The following CASR variants were observed in gnomAD, a reference collection of about 807,000 sequenced individuals.
CASR encodes extracellular calcium-sensing receptor.
A neutral mutation model predicts 69.1 loss-of-function variants in CASR; 23 were observed. The ratio of observed to expected loss-of-function variants is 0.33; its 90% CI spans 0.24 to 0.47. The LOEUF (loss-of-function observed/expected upper bound fraction) is 0.47, where lower values mean the gene tolerates loss of function less well. CASR is among the 20% of genes least tolerant of loss of function. The pLI is 1.00. For missense variants in CASR, 924 were observed against 1,356.1 expected (o/e 0.68, Z 5.00); for synonymous variants, 541 against 544.7 (o/e 0.99, Z 0.10).
intron 1 of CASR, among the ~76,000 whole-genome samples, chr3:122,234,020 C>T (rs756419872): frequency 1.3e-5 from 2 of 152,210 alleles, no homozygotes; most frequent in Non-Finnish European, 2.9e-5. Flanking sequence ...CTAGAGGACC[C>T]TTACTCCTCT....
rs199729084 is a variant in CASR at position 122,261,881 on chromosome 3, G to A, written c.846G>A (p.Glu282=). 2 of 1,614,242 alleles carry A rather than the reference G, an allele frequency of 1.2e-6. No individual in the cohort carries two copies. The highest frequency in any genetic ancestry group is 1.7e-6 in the Non-Finnish European group (2 of 1,180,040). ...SGPDLEPLIK[E]IVRRNITGKI... ...CAGATCTTGAGCCCCTCATCAAGGA[G>A]ATTGTCCGGCGCAATATCACGGGCA... The change falls in exon 4 of 7, where the codon GAG becomes GAA. Residue 282 remains glutamate (E), a synonymous_variant. Transcript: ENST00000639785.
At chr3:122,196,531 G>C (rs1360126069) in intron 1 of CASR, among the ~76,000 whole-genome samples, 2 of 150,890 alleles carry the variant, frequency 1.3e-5, no homozygotes, top group Non-Finnish European at 3.0e-5. Flanking sequence ...TTGTTTGTTT[G>C]TTTGTTTTGT....
At chr3:122,206,415 G>T (rs566934211) in intron 1 of CASR, among the ~76,000 whole-genome samples, 3 of 151,982 alleles carry the variant, frequency 2.0e-5, no homozygotes, top group African/African-American at 7.2e-5. Flanking sequence ...TTGCATCCCT[G>T]GGATGAATCC....
intron 1 of CASR, among the ~76,000 whole-genome samples, chr3:122,240,970 A>C (rs2074373864): frequency 6.6e-6 from 1 of 152,148 alleles, no homozygotes; most frequent in Non-Finnish European, 1.5e-5. Flanking sequence ...AAATTTAAAA[A>C]TCTCTTGAAG....
intron 1 of CASR, among the ~76,000 whole-genome samples, chr3:122,231,768 A>G (rs1421775365): frequency 6.6e-6 from 1 of 152,206 alleles, no homozygotes; most frequent in African/African-American, 2.4e-5. Context: ...CAAAAAAAAA[A>G]AAAATCAAAG....
chr3:122,254,312 T>C lies in CASR; in HGVS notation c.123T>C (p.His41=), dbSNP rs1331565057. Residue 41 remains histidine, a synonymous_variant, in exon 2 of 7, where the codon CAT becomes CAC. Coordinates refer to ENST00000639785, the MANE Select transcript of CASR (RefSeq NM_000388.4). Reference sequence around the variant, plus strand: ...TCCTTGGGGGGCTCTTTCCTATTCATTTTGGAGTAGCAGCTAAAGATCAAG... The same window carrying C: ...TCCTTGGGGGGCTCTTTCCTATTCACTTTGGAGTAGCAGCTAAAGATCAAG... ...DIILGGLFPI[H]FGVAAKDQDL... 1 of 1,614,056 alleles carries C rather than the reference T, an allele frequency of 6.2e-7. No homozygotes were observed. Among genetic ancestry groups the C allele is most frequent in the African/African-American group, 1.3e-5 (1 of 74,896 alleles).
intron 3 of CASR, among the ~76,000 whole-genome samples, chr3:122,260,346 CT>C (rs1340698969): frequency 6.6e-6 from 1 of 152,242 alleles, no homozygotes; most frequent in Non-Finnish European, 1.5e-5. Flanking sequence ...AAGGGCAAGA[CT>C]TTCTTCCCTT....
At chr3:122,228,221 T>G (rs546104552) in intron 1 of CASR, among the ~76,000 whole-genome samples, 1 of 152,240 alleles carries the variant, frequency 6.6e-6, no homozygotes, top group Non-Finnish European at 1.5e-5. Context: ...TAATCTTTTC[T>G]TGGTCTAATA....
At position 122,190,213 on chromosome 3, in the gene CASR, C is replaced by T. The variant is rs576158794; in HGVS notation, c.-243+6401C>T. Among the ~76,000 whole-genome samples, 4 of 152,278 alleles carry T rather than the reference C, an allele frequency of 2.6e-5. No individual in the cohort carries two copies. The South Asian group carries it at 8.3e-4, about 32-fold the overall frequency. On this transcript the variant is annotated intron_variant, in intron 1 of 6. Coordinates refer to ENST00000639785, the MANE Select transcript of CASR (RefSeq NM_000388.4). ...GATCTGGGTCTACTCATCCCAGTGC[C>T]CCAAGCCCCTGCCAGTTAGAGCCCT...
chr3:122,200,994 C>CTTTTTTTTTTTTTTTTTTT (rs67815991), intron 1 of CASR, among the ~76,000 whole-genome samples: 1 of 81,612 alleles, frequency 1.2e-5, no homozygotes, highest in Non-Finnish European at 2.4e-5. Flanking sequence ...CATTGCTTTT[C>CTTTTTTTTTTTTTTTTTTT]TTTTTTTTTT....
At chr3:122,274,542 TA>T (rs1417382723) in intron 4 of CASR, among the ~76,000 whole-genome samples, 2 of 152,180 alleles carry the variant, frequency 1.3e-5, no homozygotes, top group Non-Finnish European at 2.9e-5. Context: ...GGCCATTCAT[TA>T]GATGGACTCA....
At chr3:122,245,951 G>T (rs77254509) in intron 1 of CASR, among the ~76,000 whole-genome samples, 24,765 of 152,066 alleles carry the variant, frequency 0.16, 2,082 homozygotes, top group Non-Finnish European at 0.18. Flanking sequence ...CTGACAAATC[G>T]GGGGGAAAAA....
At chr3:122,280,195 T>A (rs1478089555) in intron 5 of CASR, among the ~76,000 whole-genome samples, 2 of 152,208 alleles carry the variant, frequency 1.3e-5, no homozygotes, top group South Asian at 2.1e-4. Flanking sequence ...AAACTAGGTG[T>A]TGAAGGAACA....
intron 5 of CASR, among the ~76,000 whole-genome samples, chr3:122,281,153 AC>A (rs1350477639): frequency 3.3e-5 from 5 of 152,242 alleles, no homozygotes; most frequent in African/African-American, 1.2e-4. Flanking sequence ...GAAGCACACA[AC>A]AAAAGGTGAA....
At chr3:122,221,733 TC>T (rs1265503334) in intron 1 of CASR, among the ~76,000 whole-genome samples, 1 of 152,122 alleles carries the variant, frequency 6.6e-6, no homozygotes, top group Non-Finnish European at 1.5e-5. Context: ...GTTTAAATAA[TC>T]CCCCCATCAT....
chr3:122,200,083 A>G (rs2073927500), intron 1 of CASR, among the ~76,000 whole-genome samples: 1 of 151,664 alleles, frequency 6.6e-6, no homozygotes, highest in Admixed American at 6.6e-5. Context: ...AATTTTTTGT[A>G]TTTAGTAGAG....
At chr3:122,200,738 G>T (rs1484534317) in intron 1 of CASR, among the ~76,000 whole-genome samples, 1 of 152,060 alleles carries the variant, frequency 6.6e-6, no homozygotes, top group African/African-American at 2.4e-5. Flanking sequence ...AGTCTCTAGG[G>T]AATTATACCT....
At chr3:122,187,886 A>C (rs967545480) in intron 1 of CASR, among the ~76,000 whole-genome samples, 1 of 152,208 alleles carries the variant, frequency 6.6e-6, no homozygotes, top group African/African-American at 2.4e-5. Flanking sequence ...GGGTCACAGA[A>C]ACAAAGATTT....
rs561938015 is a variant in CASR, at chr3:122,228,837, C to G, written c.-242-25111C>G. ...AGGGCCCAGAACCACCGCTGTGCCA[C>G]TACCCCTGAGACTCCACCATCCTCT... On this transcript the variant is annotated intron_variant, in intron 1 of 6. Coordinates refer to ENST00000639785, the MANE Select transcript of CASR (RefSeq NM_000388.4). Among the ~76,000 whole-genome samples, 10 of 152,304 alleles carry G rather than the reference C, an allele frequency of 6.6e-5. No homozygotes were observed. The East Asian group carries it at 1.9e-3, about 29-fold the overall frequency.
Sources: allele counts gnomAD v4.1 joint callset (sites outside exome capture counted in the v4.1 genomes callset), GRCh38; gene constraint gnomAD v4.1.1; transcripts MANE v1.5; gene names NCBI Gene and HGNC (gene_info 2026-07-23, HGNC 2026-07-21).